The following SLC20A2 variants were observed in gnomAD, a reference collection of about 807,000 sequenced individuals.
The protein encoded by SLC20A2 is solute carrier family 20 member 2.
A neutral mutation model predicts 61.0 loss-of-function variants in SLC20A2; 30 were observed. The ratio of observed to expected loss-of-function variants is 0.49; its 90% confidence interval spans 0.37 to 0.67. The LOEUF is 0.67. Among genes scored for constraint, SLC20A2 ranks in the 30% least tolerant of loss-of-function variants. The probability of loss-of-function intolerance (pLI) is 0.00; values close to 1 mark genes in which losing one functional copy is unlikely to be tolerated. For missense variants in SLC20A2, 626 were observed against 866.4 expected (o/e 0.72, Z 3.48); for synonymous variants, 351 against 353.3 (o/e 0.99, Z 0.07).
chr8:42,537,795 C>G (rs1334351818), intron 1 of SLC20A2: 1 of 152,184 alleles, frequency 6.6e-6, no homozygotes, highest in Non-Finnish European at 1.5e-5. Flanking sequence ...ACTGCAATCT[C>G]TTACGCTACT....
rs2131009095 is a variant in SLC20A2, at chr8:42,437,610, G to A, written c.935-33C>T. The stretch of plus-strand genomic sequence containing the variant: ...GGGTTAGAGAAGGTCTCATTTTCCA[G>A]TCTTTTTTTTTTTTTTCTTTTCTTT... On this transcript the variant is annotated intron_variant, in intron 7 of 10. Coordinates refer to ENST00000520262, the MANE Select transcript of SLC20A2 (RefSeq NM_001257180.2). The surrounding 1 kb of genome is among the most constrained non-coding windows in gnomAD (Gnocchi z 6.4). The A allele has an allele frequency of 1.4e-6, 2 of 1,384,942 alleles. No individual in the cohort carries two copies. The highest frequency in any genetic ancestry group is 2.3e-5 in the East Asian group (1 of 42,642). 85.8% of individuals were successfully genotyped at this position (1,384,942 alleles called of 1,614,324 possible). A position where few individuals can be genotyped will look rare whatever the true frequency, so the allele number is the denominator to read the frequency against.
intron 3 of SLC20A2, among the ~76,000 whole-genome samples, chr8:42,465,556 T>C (rs1807088018): frequency 6.6e-6 from 1 of 151,080 alleles, no homozygotes; most frequent in African/African-American, 2.4e-5. Context: ...GCAGGCGTGG[T>C]AGGAGGAGCC....
At chr8:42,535,392 G>A (rs1812639274) in intron 1 of SLC20A2, 1 of 151,626 alleles carries the variant, frequency 6.6e-6, no homozygotes, top group African/African-American at 2.4e-5. Context: ...TAATAATGCA[G>A]TGCAAATTTT....
chr8:42,473,732 T>C (rs1807835048), intron 1 of SLC20A2, among the ~76,000 whole-genome samples: 1 of 152,208 alleles, frequency 6.6e-6, no homozygotes, highest in Non-Finnish European at 1.5e-5. Context: ...TTGAATGGTA[T>C]CAAGCATATA....
upstream of SLC20A2, among the ~76,000 whole-genome samples, chr8:42,503,401 C>T (rs1290199217): frequency 6.6e-6 from 1 of 152,038 alleles, no homozygotes; most frequent in East Asian, 1.9e-4. Flanking sequence ...TTCAACGAAT[C>T]CATGAAATTA....
chr8:42,452,556 G>A (rs921378043), intron 5 of SLC20A2, among the ~76,000 whole-genome samples: 4 of 150,374 alleles, frequency 2.7e-5, no homozygotes, highest in African/African-American at 7.4e-5. Context: ...AAGAGGAGGA[G>A]CAGGAAGAGA....
At chr8:42,471,925 C>T (rs1351684930) in intron 2 of SLC20A2, among the ~76,000 whole-genome samples, 177 bp downstream of exon 2, 1 of 152,188 alleles carries the variant, frequency 6.6e-6, no homozygotes, top group Non-Finnish European at 1.5e-5. Context: ...GATATTTAAA[C>T]ACTTTAAAAA....
At chr8:42,530,640 T>TAAA (rs1812259679) in intron 1 of SLC20A2, among the ~76,000 whole-genome samples, 1 of 152,164 alleles carries the variant, frequency 6.6e-6, no homozygotes, top group Non-Finnish European at 1.5e-5. Flanking sequence ...AAAAAAGACA[T>TAAA]CTGGTAAACT....
intron 5 of SLC20A2, among the ~76,000 whole-genome samples, chr8:42,451,593 T>A (rs1479651735): frequency 6.7e-4 from 45 of 66,758 alleles, no homozygotes; most frequent in East Asian, 1.8e-3. Context: ...GAGGAAGAGA[T>A]GGAGGAGGAG....
intron 1 of SLC20A2, among the ~76,000 whole-genome samples, chr8:42,520,008 C>T (rs1427022401): frequency 1.9e-4 from 19 of 102,664 alleles, no homozygotes; most frequent in South Asian, 3.7e-4. Flanking sequence ...TTATGCTAAT[C>T]TTTTTTTTTT....
intron 1 of SLC20A2, among the ~76,000 whole-genome samples, chr8:42,524,482 T>C (rs1346101366): frequency 6.6e-6 from 1 of 152,092 alleles, no homozygotes; most frequent in Non-Finnish European, 1.5e-5. Context: ...TATCCTTGCA[T>C]GAGATATAAA....
intron 1 of SLC20A2, among the ~76,000 whole-genome samples, chr8:42,527,972 G>T (rs1447750226): frequency 6.6e-6 from 1 of 152,096 alleles, no homozygotes; most frequent in Non-Finnish European, 1.5e-5. Flanking sequence ...TAACCTCTGG[G>T]TGGTAGAACT....
intron 1 of SLC20A2, among the ~76,000 whole-genome samples, chr8:42,508,673 G>A (rs1292580784): frequency 3.3e-5 from 5 of 152,170 alleles, no homozygotes; most frequent in Admixed American, 1.3e-4. Context: ...TTACAGGCGT[G>A]AGCCACCACA....
intron 1 of SLC20A2, among the ~76,000 whole-genome samples, chr8:42,533,921 C>G (rs906708759): frequency 3.3e-5 from 5 of 149,300 alleles, no homozygotes; most frequent in African/African-American, 1.2e-4. Flanking sequence ...GCCTCTCACG[C>G]CACCATGCCC....
intron 1 of SLC20A2, among the ~76,000 whole-genome samples, chr8:42,499,693 GAAGT>G (rs1023378931): frequency 1.3e-5 from 2 of 152,104 alleles, no homozygotes; most frequent in South Asian, 2.1e-4. Context: ...TTAACAATTA[GAAGT>G]AAGAAGTAAT....
intron 2 of SLC20A2, among the ~76,000 whole-genome samples, chr8:42,469,663 C>T (rs1012545615): frequency 6.6e-6 from 1 of 152,164 alleles, no homozygotes; most frequent in African/African-American, 2.4e-5. Context: ...GGTGTGGTGG[C>T]TCACGCCTGT....
At chr8:42,515,928 T>C (rs1043194070) in intron 1 of SLC20A2, among the ~76,000 whole-genome samples, 2 of 152,184 alleles carry the variant, frequency 1.3e-5, no homozygotes, top group African/African-American at 4.8e-5. Flanking sequence ...GTATGCAAGC[T>C]TGGGTGCAAA....
rs549005778 is a variant in SLC20A2, at chr8:42,465,080, CAG to C, written c.430+695_430+696del. On this transcript the variant is annotated intron_variant, in intron 3 of 10. Transcript: ENST00000520262. ...TACCATCTACGTCTTTTTTTTGAGA[CAG>C]AGTCTTGCTTTGTTGCCCAGGCTGG... Among the ~76,000 whole-genome samples, 7 of 151,862 alleles carry C rather than the reference CAG, an allele frequency of 4.6e-5. No homozygotes were observed. In the East Asian group the frequency reaches 1.4e-3, roughly 30 times the overall value.
intron 1 of SLC20A2, among the ~76,000 whole-genome samples, chr8:42,533,962 C>CCT (rs34431771): frequency 2.0e-5 from 3 of 150,854 alleles, no homozygotes; most frequent in Admixed American, 1.3e-4. Context: ...AAAACTTCTC[C>CCT]CTCTCTTTGT....
Sources: gnomAD v4.1 joint callset for allele counts (sites outside exome capture counted in the v4.1 genomes callset) on GRCh38, gnomAD v4.1.1 for gene constraint, Gnocchi (gnomAD v3.1) non-coding constraint, MANE v1.5 for transcripts, NCBI Gene and HGNC (gene_info 2026-07-23, HGNC 2026-07-21) for gene names.